The following HS6ST2 variants were observed in gnomAD, a reference collection of about 807,000 sequenced individuals.
HS6ST2 encodes the protein heparan-sulfate 6-O-sulfotransferase 2.
In HS6ST2, 17 loss-of-function variants were observed where a neutral mutation model predicts 33.0. The ratio of observed to expected loss-of-function variants is 0.52; its 90% CI spans 0.35 to 0.77. HS6ST2 has a LOEUF of 0.77. Ranked by LOEUF, HS6ST2 falls within the 30% of genes least tolerant of loss-of-function variation. The pLI, the probability that HS6ST2 is intolerant of heterozygous loss-of-function variation, is 0.01. For synonymous variants in HS6ST2, 248 were observed against 237.1 expected, an observed-to-expected ratio of 1.05 and a Z score of -0.42; for missense variants, 519 against 551.7, an observed-to-expected ratio of 0.94 and a Z score of 0.59.
intron 3 of HS6ST2, among the ~76,000 whole-genome samples, chrX:132,690,554 T>C (rs2064055369): frequency 8.9e-6 from 1 of 112,154 alleles, no homozygotes; most frequent in Non-Finnish European, 1.9e-5. Context: ...CTGTTCTCTT[T>C]ATCTTCTTCT....
chrX:132,753,218 T>C (rs2064724485), intron 2 of HS6ST2, among the ~76,000 whole-genome samples: 1 of 112,245 alleles, frequency 8.9e-6, no homozygotes, highest in Admixed American at 9.4e-5. Context: ...CACACTGAGC[T>C]TCATCTAAAT....
At chrX:132,828,792 A>T (rs1224366130) in intron 2 of HS6ST2, among the ~76,000 whole-genome samples, 1 of 101,368 alleles carries the variant, frequency 9.9e-6, no homozygotes, top group African/African-American at 3.6e-5. Context: ...CACAGCATAT[A>T]CATATTTATA....
At chrX:132,736,077 T>C (rs775431309) in intron 2 of HS6ST2, among the ~76,000 whole-genome samples, 1 of 110,831 alleles carries the variant, frequency 9.0e-6, no homozygotes, top group African/African-American at 3.3e-5. Flanking sequence ...ACTCCTGACC[T>C]CAAGTGATCC....
In HS6ST2 at chrX:132,669,248, A is replaced by C. The variant is rs752886360; in HGVS notation, c.981-49T>G. 3.7e-6 allele frequency: 4 copies of C among 1,087,869 alleles called. No homozygotes were observed. The South Asian group carries it at 8.2e-5, about 22-fold the overall frequency. The allele number at this position is 1,087,869 out of a possible 1,213,427, so 89.7% of individuals were successfully genotyped here. ...AACATATACACAACAAGGACCACAG[A>C]GACAAAAAGCAATTAGTCACTTCAT... On this transcript the variant is annotated intron_variant, in intron 3 of 4. Transcript: ENST00000370833.
chrX:132,794,176 T>C (rs1350343852), intron 2 of HS6ST2, among the ~76,000 whole-genome samples: 2 of 112,138 alleles, frequency 1.8e-5, no homozygotes, highest in African/African-American at 6.5e-5. Flanking sequence ...CTAGCTCTCA[T>C]ATCAGAAATG....
At chrX:132,739,751 G>C (rs1602627740) in intron 2 of HS6ST2, among the ~76,000 whole-genome samples, 2 of 109,621 alleles carry the variant, frequency 1.8e-5, no homozygotes, top group East Asian at 2.9e-4. Context: ...ACAAAGAGGA[G>C]ATATGATTAG....
intron 2 of HS6ST2, among the ~76,000 whole-genome samples, chrX:132,837,171 T>C (rs1335158990): frequency 8.9e-6 from 1 of 112,065 alleles, no homozygotes; most frequent in East Asian, 2.8e-4. Flanking sequence ...ATTTCTTAAA[T>C]CATCTGGCTT....
At position 132,932,185 on chromosome X, in the gene HS6ST2, C is replaced by CAA. The variant is rs61033088; in HGVS notation, c.947+24621_947+24622dup. On this transcript the variant is annotated intron_variant, in intron 2 of 4. Coordinates refer to ENST00000370833, the MANE Select transcript of HS6ST2 (RefSeq NM_001394073.1). ...TGGGTGACAGAGCAAGACTCCACCT[C>CAA]AAAAAAAAAAAAAAAATACCCCAGC... Among the ~76,000 whole-genome samples, 162 of 73,706 alleles carry CAA rather than the reference C, an allele frequency of 2.2e-3. No individual in the cohort carries two copies. The Middle Eastern group carries it at 0.024, about 11-fold the overall frequency. 64.0% of individuals were successfully genotyped at this position (73,706 alleles called of 115,157 possible).
At chrX:132,901,741 G>A (rs1426334095) in intron 2 of HS6ST2, among the ~76,000 whole-genome samples, 2 of 111,398 alleles carry the variant, frequency 1.8e-5, no homozygotes, top group Non-Finnish European at 3.8e-5. Context: ...GATGGACCTT[G>A]AAGAATGGCA....
At chrX:132,919,956 G>C (rs1379441518) in intron 2 of HS6ST2, among the ~76,000 whole-genome samples, 3 of 111,691 alleles carry the variant, frequency 2.7e-5, no homozygotes, top group Admixed American at 9.5e-5. Flanking sequence ...GAAAACCCTG[G>C]AAAGATGAAC....
At chrX:132,882,118 G>C (rs1220297834) in intron 2 of HS6ST2, among the ~76,000 whole-genome samples, 1 of 110,976 alleles carries the variant, frequency 9.0e-6, no homozygotes, top group Non-Finnish European at 1.9e-5. Context: ...GCTCTTTTTT[G>C]GTTCCATATG....
At chrX:132,834,079 C>A (rs1397466038) in intron 2 of HS6ST2, among the ~76,000 whole-genome samples, 2 of 111,143 alleles carry the variant, frequency 1.8e-5, no homozygotes, top group South Asian at 7.7e-4. Context: ...CCCCATCCTC[C>A]CACTCCCTAA....
intron 2 of HS6ST2, among the ~76,000 whole-genome samples, chrX:132,831,798 T>G (rs1445948785): frequency 8.9e-6 from 1 of 112,036 alleles, no homozygotes; most frequent in African/African-American, 3.2e-5. Context: ...AACAGCTGAG[T>G]TGGACACCAA....
chrX:132,920,649 T>C (rs749627664), intron 2 of HS6ST2, among the ~76,000 whole-genome samples: 1 of 112,749 alleles, frequency 8.9e-6, no homozygotes, highest in African/African-American at 3.2e-5. Flanking sequence ...TCTGAAAGAA[T>C]AGACATCAAG....
Position 132,669,219 on chromosome X carries a change from A to AAAGGTAATAAAGATGTGTGTGGGCATG in HS6ST2, c.981-21_981-20insCATGCCCACACACATCTTTATTACCTT. The AAAGGTAATAAAGATGTGTGTGGGCATG allele has an allele frequency of 8.5e-7, 1 of 1,182,990 alleles. No individual in the cohort carries two copies. The highest frequency in any genetic ancestry group is 1.1e-6 in the Non-Finnish European group (1 of 873,011). The stretch of plus-strand genomic sequence containing the variant: ...TCCTTACTATACCCACAGAAAGAAT[A>AAAGGTAATAAAGATGTGTGTGGGCATG]GAAAACATATACACAACAAGGACCA... On this transcript the variant is annotated intron_variant, in intron 3 of 4. Coordinates refer to ENST00000370833, the MANE Select transcript of HS6ST2 (RefSeq NM_001394073.1).
intron 2 of HS6ST2, among the ~76,000 whole-genome samples, chrX:132,777,519 C>T (rs1307962823): frequency 9.1e-6 from 1 of 110,281 alleles, no homozygotes; most frequent in Non-Finnish European, 1.9e-5. Context: ...CAACCTCTGC[C>T]TCTAGGATTC....
chrX:132,685,064 C>A (rs183972546), intron 3 of HS6ST2, among the ~76,000 whole-genome samples: 1 of 111,673 alleles, frequency 9.0e-6, no homozygotes, highest in East Asian at 2.8e-4. Flanking sequence ...AAGTAGATAT[C>A]TTTTCCCAAA....
chrX:132,639,827 G>A (rs1013731322), intron 4 of HS6ST2, among the ~76,000 whole-genome samples: 2 of 111,792 alleles, frequency 1.8e-5, no homozygotes, highest in African/African-American at 6.5e-5. Context: ...TCCCCACTGG[G>A]ACTATCATGG....
At chrX:132,807,027 C>G (rs1226414087) in intron 2 of HS6ST2, among the ~76,000 whole-genome samples, 1 of 110,167 alleles carries the variant, frequency 9.1e-6, no homozygotes, top group Non-Finnish European at 1.9e-5. Flanking sequence ...ACGAGTTACC[C>G]AAGACTGCAC....
Sources: gnomAD v4.1 joint callset for allele counts (sites outside exome capture counted in the v4.1 genomes callset) on GRCh38, gnomAD v4.1.1 for gene constraint, MANE v1.5 for transcripts, NCBI Gene and HGNC (gene_info 2026-07-23, HGNC 2026-07-21) for gene names.